NCKAP5: variants seen among roughly 807,000 people sequenced by gnomAD.
NCKAP5 encodes NCK associated protein 5.
In NCKAP5, 92 loss-of-function variants were observed where a neutral mutation model predicts 167.0. The ratio of observed to expected loss-of-function variants is 0.55; its 90% CI spans 0.47 to 0.66. The LOEUF is 0.66. Ranked by LOEUF, NCKAP5 falls within the 30% of genes least tolerant of loss-of-function variation. The probability of loss-of-function intolerance (pLI) is 0.00; values close to 1 mark genes in which losing one functional copy is unlikely to be tolerated. For missense variants in NCKAP5, 2,378 were observed against 2,315.0 expected (o/e 1.03, Z -0.56); for synonymous variants, 891 against 877.4 (o/e 1.02, Z -0.27).
At chr2:132,869,401 T>G (rs1336885272) in intron 9 of NCKAP5, among the ~76,000 whole-genome samples, 1 of 152,232 alleles carries the variant, frequency 6.6e-6, no homozygotes, top group East Asian at 1.9e-4. Context: ...CTGCTTAATA[T>G]TACTTGCAAT....
At chr2:133,032,869 A>T (rs2078925821) in intron 6 of NCKAP5, among the ~76,000 whole-genome samples, 1 of 152,152 alleles carries the variant, frequency 6.6e-6, no homozygotes, top group Non-Finnish European at 1.5e-5. Flanking sequence ...CACATGGTGT[A>T]CCAGTGGGGA....
At chr2:133,355,618 A>G (rs934580624) in intron 3 of NCKAP5, among the ~76,000 whole-genome samples, 1 of 149,512 alleles carries the variant, frequency 6.7e-6, no homozygotes, top group Non-Finnish European at 1.5e-5. Context: ...TTCTTTTTGT[A>G]TATTTTAGTC....
At chr2:133,572,935 T>C (rs938570183), upstream of NCKAP5, among the ~76,000 whole-genome samples, 9 of 152,188 alleles carry the variant, frequency 5.9e-5, no homozygotes, top group African/African-American at 2.2e-4. Flanking sequence ...GACCTTCTAG[T>C]CTACAATCAG....
At chr2:133,492,020 C>A (rs1681497550) in intron 3 of NCKAP5, among the ~76,000 whole-genome samples, 2 of 152,104 alleles carry the variant, frequency 1.3e-5, no homozygotes, top group Non-Finnish European at 2.9e-5. Context: ...AGCTCCTGCC[C>A]CTGCAAGCTC....
At chr2:133,053,918 T>C (rs535426680) in intron 6 of NCKAP5, among the ~76,000 whole-genome samples, 1 of 152,332 alleles carries the variant, frequency 6.6e-6, no homozygotes, top group South Asian at 2.1e-4. Context: ...AGAAATCATA[T>C]ATAATTTAAC....
intron 8 of NCKAP5, among the ~76,000 whole-genome samples, chr2:132,888,697 G>T (rs1692447265): frequency 6.6e-6 from 1 of 152,126 alleles, no homozygotes; most frequent in Admixed American, 6.5e-5. Context: ...TGCCCAGTGT[G>T]TATATTTTCA....
At chr2:133,652,762 A>T in the NCKAP5 span, among the ~76,000 whole-genome samples, 1 of 152,212 alleles carries the variant, frequency 6.6e-6, no homozygotes, top group Non-Finnish European at 1.5e-5. Context: ...CAGTTGGAAT[A>T]GGTAGCAACC....
chr2:133,464,082 G>A (rs562561558), intron 3 of NCKAP5, among the ~76,000 whole-genome samples: 2 of 152,176 alleles, frequency 1.3e-5, no homozygotes, highest in Admixed American at 6.5e-5. Flanking sequence ...TTCCATCAAC[G>A]GGCTCTGGCT....
chr2:133,653,923 T>C, the NCKAP5 span, among the ~76,000 whole-genome samples: 1 of 152,204 alleles, frequency 6.6e-6, no homozygotes, highest in South Asian at 2.1e-4. Context: ...TACAGTATTG[T>C]TATTATTACA....
rs1365475504 is a variant in NCKAP5, at chr2:132,790,079, CGCT to C, written c.1033_1035del (p.Ser345del). On this transcript the variant is annotated inframe_deletion, in exon 13 of 20. Transcript: ENST00000409261. The stretch of plus-strand genomic sequence containing the variant: ...GTGTAGGAGGAGCCACTGGAGTACT[CGCT>C]GCAGGTGCTTGAAAGAGACAGTTCA... 11 of 1,613,118 alleles carry C rather than the reference CGCT, an allele frequency of 6.8e-6. No individual in the cohort carries two copies. Among genetic ancestry groups the C allele is most frequent in the Non-Finnish European group, 9.3e-6 (11 of 1,179,554 alleles).
chr2:133,095,616 G>C (rs574228802), intron 6 of NCKAP5, among the ~76,000 whole-genome samples: 1 of 152,246 alleles, frequency 6.6e-6, no homozygotes, highest in African/African-American at 2.4e-5. Context: ...ATGTAGAGGA[G>C]AGGAACCACT....
intron 8 of NCKAP5, among the ~76,000 whole-genome samples, chr2:132,896,303 G>A (rs1005236757): frequency 6.6e-6 from 1 of 152,238 alleles, no homozygotes; most frequent in African/African-American, 2.4e-5. Context: ...GTGGGTGGAT[G>A]ATGTTTGGTT....
intron 1 of NCKAP5, 26 bp downstream of exon 1, chr2:133,568,182 CAAGAGTTT>C (rs1246730759): frequency 6.6e-6 from 1 of 152,042 alleles, no homozygotes; most frequent in African/African-American, 2.4e-5. Context: ...AAAACTGTTA[CAAGAGTTT>C]AAAAAAAAAA....
chr2:133,217,556 A>C lies in NCKAP5; in HGVS notation c.144-3777T>G, dbSNP rs144968014. 4.2e-3 allele frequency among the ~76,000 whole-genome samples: 640 copies of C among 152,164 alleles called. 1 individual carries two copies. Among genetic ancestry groups the C allele is most frequent in the African/African-American group, 0.015 (603 of 41,554 alleles). On this transcript the variant is annotated intron_variant, in intron 4 of 19. Transcript: ENST00000409261. ...GACCATAAATTCCTCCTTGACCACA[A>C]CAGTAGCAACCAAAAATGATGATCC...
chr2:132,985,789 T>C (rs763185156), intron 7 of NCKAP5, among the ~76,000 whole-genome samples: 4 of 152,186 alleles, frequency 2.6e-5, no homozygotes, highest in Non-Finnish European at 4.4e-5. Flanking sequence ...TCGAAGTTCA[T>C]AACAATTCAT....
chr2:132,881,326 C>T (rs1047526638), intron 8 of NCKAP5, among the ~76,000 whole-genome samples: 1 of 152,058 alleles, frequency 6.6e-6, no homozygotes, highest in East Asian at 1.9e-4. Flanking sequence ...AGGTGACCAC[C>T]ACCACACCTG....
At chr2:133,671,590 C>A in the NCKAP5 span, among the ~76,000 whole-genome samples, 2 of 152,050 alleles carry the variant, frequency 1.3e-5, no homozygotes, top group Non-Finnish European at 2.9e-5. Context: ...CTCCACACCA[C>A]CTCAGGACTC....
At chr2:133,423,388 G>C (rs1386491148) in intron 3 of NCKAP5, among the ~76,000 whole-genome samples, 1 of 152,120 alleles carries the variant, frequency 6.6e-6, no homozygotes, top group Non-Finnish European at 1.5e-5. Context: ...CATTCGCATT[G>C]AATGTTGAAT....
chr2:133,563,785 T>A (rs573912318), intron 1 of NCKAP5, among the ~76,000 whole-genome samples: 3 of 152,162 alleles, frequency 2.0e-5, no homozygotes, highest in African/African-American at 7.2e-5. Context: ...TGTGGGTGAA[T>A]GTGAGGCTCA....
Sources: allele counts gnomAD v4.1 joint callset (sites outside exome capture counted in the v4.1 genomes callset), GRCh38; gene constraint gnomAD v4.1.1; transcripts MANE v1.5; gene names NCBI Gene and HGNC (gene_info 2026-07-23, HGNC 2026-07-21).